UBE2J2: variants seen among roughly 807,000 people sequenced by gnomAD.
UBE2J2 encodes the protein ubiquitin conjugating enzyme E2 J2.
Under a neutral mutation model 28.6 loss-of-function variants are expected in UBE2J2, and 5 were observed. The ratio of observed to expected loss-of-function variants is 0.17; its 90% CI spans 0.09 to 0.37. The LOEUF is 0.37. UBE2J2 is among the 10% of genes least tolerant of loss of function. The pLI is 1.00. For missense variants in UBE2J2, 226 were observed against 338.9 expected (o/e 0.67, Z 2.62); for synonymous variants, 138 against 139.7 (o/e 0.99, Z 0.09).
chr1:1,266,723 A>T (rs1465250235), intron 2 of UBE2J2, among the ~76,000 whole-genome samples: 1 of 151,732 alleles, frequency 6.6e-6, no homozygotes, highest in Admixed American at 6.6e-5. Flanking sequence ...GCTACTTGGG[A>T]AACTGAGGCC....
At chr1:1,265,958 T>C in intron 2 of UBE2J2, 1 of 980,836 alleles carries the variant, frequency 1.0e-6, no homozygotes, top group South Asian at 1.5e-5. Context: ...TAATGGTGAG[T>C]ATTCTTTGTG....
chr1:1,260,950 G>C (rs1466123646), intron 3 of UBE2J2, among the ~76,000 whole-genome samples: 2 of 152,248 alleles, frequency 1.3e-5, no homozygotes, highest in African/African-American at 4.8e-5. Context: ...GCTCTGAACT[G>C]TCAGAGTGGG....
At chr1:1,259,598 A>G (rs1490576557) in intron 3 of UBE2J2, among the ~76,000 whole-genome samples, 1 of 152,154 alleles carries the variant, frequency 6.6e-6, no homozygotes, top group Non-Finnish European at 1.5e-5. Context: ...TCTAGGCTGG[A>G]CTTTCTCTGA....
intron 3 of UBE2J2, 61 bp downstream of exon 3, chr1:1,263,285 C>G: frequency 6.9e-7 from 1 of 1,458,588 alleles, no homozygotes; most frequent in Non-Finnish European, 9.6e-7. Context: ...GTTGAACAGG[C>G]AAGGCTGACT....
intron 5 of UBE2J2, 32 bp from the exon 6 acceptor site, chr1:1,256,157 A>C (rs773952530): frequency 1.4e-6 from 2 of 1,471,834 alleles, no homozygotes; most frequent in Non-Finnish European, 1.9e-6. Flanking sequence ...TCAGCCAGAA[A>C]ACTAATTTCA....
chr1:1,260,163 G>T (rs1279345788), intron 3 of UBE2J2, among the ~76,000 whole-genome samples: 1 of 152,238 alleles, frequency 6.6e-6, no homozygotes, highest in African/African-American at 2.4e-5. Flanking sequence ...GCATGAGCAA[G>T]TGCCACTGTC....
At chr1:1,256,501 G>A (rs564353161) in intron 5 of UBE2J2, among the ~76,000 whole-genome samples, 7 of 152,324 alleles carry the variant, frequency 4.6e-5, no homozygotes, top group East Asian at 1.9e-4. Context: ...GAGAGGCAGC[G>A]GGGAACACGA....
chr1:1,264,499 C>T lies in UBE2J2; in HGVS notation c.132-1113G>A, dbSNP rs749387598. On this transcript the variant is annotated intron_variant, in intron 2 of 6. Transcript: ENST00000349431. ...CTTTAAAACTAATGGGGGCTGGGCT[C>T]GGTGGCTCATGCCCGTGATCCCAGC... Among the ~76,000 whole-genome samples the T allele has an allele frequency of 3.9e-5, 6 of 152,142 alleles. No individual in the cohort carries two copies. The East Asian group carries it at 1.2e-3, about 29-fold the overall frequency.
At chr1:1,262,245 A>G (rs1036718581) in intron 3 of UBE2J2, 3 of 446,240 alleles carry the variant, frequency 6.7e-6, no homozygotes, top group African/African-American at 4.0e-5. Context: ...CGCCCTGGAC[A>G]CCTGCTCCCG....
chr1:1,258,984 T>C (rs746138318), intron 3 of UBE2J2, among the ~76,000 whole-genome samples: 1 of 152,260 alleles, frequency 6.6e-6, no homozygotes, highest in African/African-American at 2.4e-5. Context: ...CCTGCATGCG[T>C]TGACGTGTGT....
chr1:1,262,271 C>T (rs193004007), intron 3 of UBE2J2: 13 of 453,978 alleles, frequency 2.9e-5, no homozygotes, highest in African/African-American at 2.2e-4. Context: ...TATCTCACCA[C>T]GGCCTGCTGG....
intron 3 of UBE2J2, among the ~76,000 whole-genome samples, chr1:1,259,769 TC>T (rs1313247899): frequency 6.6e-6 from 1 of 150,740 alleles, no homozygotes; most frequent in East Asian, 1.9e-4. Context: ...CACCACGGAG[TC>T]CCCCACAGTC....
intron 6 of UBE2J2, 39 bp downstream of exon 6, chr1:1,256,006 A>T: frequency 7.2e-7 from 1 of 1,386,050 alleles, no homozygotes; most frequent in Non-Finnish European, 1.0e-6. Flanking sequence ...CAAGTGTTTT[A>T]ACGCAGGGGA....
intron 3 of UBE2J2, among the ~76,000 whole-genome samples, chr1:1,261,411 G>C (rs1639553449): frequency 6.6e-6 from 1 of 152,176 alleles, no homozygotes; most frequent in African/African-American, 2.4e-5. Flanking sequence ...CAGGGTTGGG[G>C]CTGGCAACGG....
intron 3 of UBE2J2, 112 bp downstream of exon 3, chr1:1,263,234 C>T (rs763034395): frequency 1.5e-5 from 15 of 999,322 alleles, no homozygotes; most frequent in Non-Finnish European, 2.2e-5. Flanking sequence ...TTAACTAGCA[C>T]ACATCCAAAG....
intron 1 of UBE2J2, among the ~76,000 whole-genome samples, chr1:1,272,261 C>T (rs1294617106): frequency 6.6e-6 from 1 of 152,158 alleles, no homozygotes; most frequent in Non-Finnish European, 1.5e-5. Context: ...AGCATATCAT[C>T]CTGCTGAGAG....
Position 1,263,361 on chromosome 1 carries a change from T to A in UBE2J2, c.157A>T (p.Met53Leu). The A allele has an allele frequency of 6.2e-7, 1 of 1,613,582 alleles. No homozygotes were observed. The highest frequency in any genetic ancestry group is 1.1e-5 in the South Asian group (1 of 91,078). ...EWHYVVRGPE[M>L]TPYEGGYYHG... ...GAATCCTTACCTTCATAAGGGGTCATCTCTGGGCCTCGGACGACATAGTGC... is the reference window on the plus strand; with the variant it reads ...GAATCCTTACCTTCATAAGGGGTCAACTCTGGGCCTCGGACGACATAGTGC... Residue 53 changes from methionine (M) to leucine (L), a missense_variant, in exon 3 of 7, where the codon ATG becomes TTG. This residue lies in a region of UBE2J2 where 80 missense variants were observed against 114.5 expected (regional missense o/e 0.70). Coordinates refer to ENST00000349431, the MANE Select transcript of UBE2J2 (RefSeq NM_058167.3).
intron 2 of UBE2J2, among the ~76,000 whole-genome samples, chr1:1,266,604 G>A (rs1428298371): frequency 2.6e-5 from 4 of 151,968 alleles, no homozygotes; most frequent in Admixed American, 6.6e-5. Context: ...GGCGGATCAC[G>A]AGGTCAGGAG....
chr1:1,263,693 A>C (rs1048551311), intron 2 of UBE2J2: 3 of 273,668 alleles, frequency 1.1e-5, no homozygotes, highest in Non-Finnish European at 2.2e-5. Flanking sequence ...ATCTTAAATA[A>C]ATTTTAATTT....
Sources: allele counts gnomAD v4.1 joint callset (sites outside exome capture counted in the v4.1 genomes callset), GRCh38; gene constraint gnomAD v4.1.1; regional missense constraint gnomAD v4.1.1; transcripts MANE v1.5; gene names NCBI Gene and HGNC (gene_info 2026-07-23, HGNC 2026-07-21).